IP6K3: variants seen among roughly 807,000 people sequenced by gnomAD.
The protein encoded by IP6K3 is ATP:1D-myo-inositol-hexakisphosphate phosphotransferase.
Under a neutral mutation model 28.8 loss-of-function variants are expected in IP6K3, and 20 were observed. The observed-to-expected ratio is 0.70, with a 90% CI of 0.49 to 1.01. The LOEUF is 1.01. Ranked by LOEUF, IP6K3 falls within the 50% of genes least tolerant of loss-of-function variation. IP6K3 has a pLI of 0.00. For synonymous variants in IP6K3, 213 were observed against 221.3 expected (o/e 0.96, Z 0.33); for missense variants, 480 against 537.1 (o/e 0.89, Z 1.05).
At chr6:33,740,408 C>T (rs985165410) in intron 1 of IP6K3, among the ~76,000 whole-genome samples, 7 of 152,186 alleles carry the variant, frequency 4.6e-5, no homozygotes, top group African/African-American at 1.7e-4. Flanking sequence ...GCTGATGGGG[C>T]GCAGACACCG....
the IP6K3 span, among the ~76,000 whole-genome samples, chr6:33,761,768 G>A: frequency 2.6e-5 from 4 of 152,074 alleles, no homozygotes; most frequent in African/African-American, 9.7e-5. Flanking sequence ...AGAAGCCTGG[G>A]TGTCTCTGTC....
chr6:33,745,291 G>A (rs1189768298), intron 1 of IP6K3, among the ~76,000 whole-genome samples: 1 of 152,334 alleles, frequency 6.6e-6, no homozygotes, highest in East Asian at 1.9e-4. Flanking sequence ...CGCTGGCCAG[G>A]GGGTGGGCTT....
chr6:33,725,658 C>G, intron 4 of IP6K3, 42 bp from the exon 5 acceptor site: 1 of 1,570,528 alleles, frequency 6.4e-7, no homozygotes, highest in East Asian at 2.3e-5. Flanking sequence ...GACTTCAGAA[C>G]TGCTGCTCCG....
intron 2 of IP6K3, among the ~76,000 whole-genome samples, chr6:33,734,972 G>A (rs1264291657): frequency 2.0e-5 from 3 of 152,202 alleles, no homozygotes; most frequent in Non-Finnish European, 4.4e-5. Flanking sequence ...CACCGGGAAG[G>A]CACAGACCAG....
intron 2 of IP6K3, among the ~76,000 whole-genome samples, chr6:33,730,189 A>C (rs1487666951): frequency 6.6e-6 from 1 of 152,172 alleles, no homozygotes; most frequent in Non-Finnish European, 1.5e-5. Flanking sequence ...CTGCTGAGCC[A>C]GCCGTGAAGG....
At chr6:33,725,146 A>G (rs982801095) in intron 5 of IP6K3, among the ~76,000 whole-genome samples, 9 of 151,014 alleles carry the variant, frequency 6.0e-5, no homozygotes, top group African/African-American at 1.7e-4. Context: ...GGAGAATGGC[A>G]TGAACCCGGG....
chr6:33,728,324 G>C, intron 2 of IP6K3, 24 bp from the exon 3 acceptor site: 1 of 1,610,462 alleles, frequency 6.2e-7, no homozygotes. Context: ...GGGAAGGGGA[G>C]GGGAGGAGCC....
chr6:33,738,046 T>C (rs570381821), intron 1 of IP6K3, among the ~76,000 whole-genome samples: 67 of 152,332 alleles, frequency 4.4e-4, no homozygotes, highest in African/African-American at 1.5e-3. Flanking sequence ...CAATCCTACT[T>C]GCAAATTTGG....
chr6:33,725,616 C>T lies in IP6K3; in HGVS notation c.590G>A (p.Arg197Gln), dbSNP rs756984291. The T allele has an allele frequency of 3.1e-6, 5 of 1,613,260 alleles. No individual in the cohort carries two copies. The highest frequency in any genetic ancestry group is 2.2e-5 in the East Asian group (1 of 44,872). The change falls in exon 5 of 6, where the codon CGG becomes CAG. Residue 197 changes from arginine (R) to glutamine (Q), a missense_variant and splice_region_variant. Arg to Gln is a conservative substitution (Grantham distance 43). Transcript: ENST00000293756. ...CACTACATTTTCCAGCAACAAGAAC[C>T]CTAGTCACACTAAGTTAAGGAAGGC... The part of the protein sequence containing the change: ...CSEYPENKRH[R>Q]FLLLENVVSQ...
chr6:33,727,486 G>C (rs1168699498), intron 3 of IP6K3, among the ~76,000 whole-genome samples: 2 of 152,208 alleles, frequency 1.3e-5, no homozygotes, highest in African/African-American at 4.8e-5. Flanking sequence ...CCTTGGGAAG[G>C]GAGATATTTT....
intron 1 of IP6K3, among the ~76,000 whole-genome samples, chr6:33,743,015 A>T (rs571911590): frequency 5.0e-4 from 76 of 151,956 alleles, no homozygotes; most frequent in African/African-American, 1.8e-3. Flanking sequence ...GAGGAGGAGG[A>T]TGCGGGAGTG....
At position 33,728,143 on chromosome 6, in the gene IP6K3, G is replaced by A. The variant is rs753519496; in HGVS notation, c.357C>T (p.Ser119=). Residue 119 remains serine, a synonymous_variant, in exon 3 of 6, where the codon AGC becomes AGT. Coordinates refer to ENST00000293756, the MANE Select transcript of IP6K3 (RefSeq NM_054111.5). ...GCGGCCACTGGGCAAGGGTGCAGTCGCTGCCATTGCTGCCGGTGGTCTGCT... is the reference window on the plus strand; with the variant it reads ...GCGGCCACTGGGCAAGGGTGCAGTCACTGCCATTGCTGCCGGTGGTCTGCT... ...TLQQTTGSNG[S]DCTLAQWPHA... 4.1e-5 allele frequency: 66 copies of A among 1,610,858 alleles called. No homozygotes were observed. The highest frequency in any genetic ancestry group is 4.7e-5 in the Non-Finnish European group (55 of 1,179,994).
At chr6:33,736,549 C>T (rs967044578) in intron 1 of IP6K3, among the ~76,000 whole-genome samples, 1 of 152,112 alleles carries the variant, frequency 6.6e-6, no homozygotes, top group Non-Finnish European at 1.5e-5. Flanking sequence ...GGATTACAGG[C>T]GCCTGCCACC....
intron 5 of IP6K3, among the ~76,000 whole-genome samples, chr6:33,724,528 A>C (rs1344286489): frequency 1.3e-5 from 2 of 152,204 alleles, no homozygotes; most frequent in Non-Finnish European, 2.9e-5. Flanking sequence ...TCAGAGCCCC[A>C]AAAAGGAGGC....
chr6:33,735,755 G>A, intron 1 of IP6K3, 100 bp from the exon 2 acceptor site: 1 of 547,660 alleles, frequency 1.8e-6, no homozygotes, highest in Non-Finnish European at 3.1e-6. Context: ...CCCAGAACAG[G>A]TTCCTCACTG....
intron 5 of IP6K3, among the ~76,000 whole-genome samples, chr6:33,724,584 C>T (rs1766026626): frequency 6.6e-6 from 1 of 152,160 alleles, no homozygotes; most frequent in Non-Finnish European, 1.5e-5. Flanking sequence ...GCAGGGTTAG[C>T]AGGTTATGAG....
chr6:33,755,642 T>G, the IP6K3 span, among the ~76,000 whole-genome samples: 1 of 152,250 alleles, frequency 6.6e-6, no homozygotes, highest in Non-Finnish European at 1.5e-5. Flanking sequence ...TTTCTTCACC[T>G]GCCAAGCCCG....
intron 4 of IP6K3, 82 bp downstream of exon 4, chr6:33,726,649 T>TG: frequency 7.2e-7 from 1 of 1,387,260 alleles, no homozygotes; most frequent in Non-Finnish European, 9.8e-7. Flanking sequence ...TTTGTGTGTG[T>TG]TTCCTCTACC....
rs917089746 is a variant in IP6K3 at position 33,742,661 on chromosome 6, A to C, written c.-180+4097T>G. On this transcript the variant is annotated intron_variant, in intron 1 of 5. Coordinates refer to ENST00000293756, the MANE Select transcript of IP6K3 (RefSeq NM_054111.5). This position sits in a 1 kb window ranked among gnomAD's most constrained non-coding sequence, Gnocchi z 4.5. ...ATGTAAATATGTTGGTAATTAACAA[A>C]ATACAAATTCATTTAAAGGCATTAT... Among the ~76,000 whole-genome samples the C allele has an allele frequency of 2.6e-5, 4 of 152,218 alleles. No individual in the cohort carries two copies. Among genetic ancestry groups the C allele is most frequent in the Admixed American group, 6.5e-5 (1 of 15,292 alleles).
Sources: allele counts gnomAD v4.1 joint callset (sites outside exome capture counted in the v4.1 genomes callset), GRCh38; gene constraint gnomAD v4.1.1; non-coding constraint Gnocchi (gnomAD v3.1); transcripts MANE v1.5; gene names NCBI Gene and HGNC (gene_info 2026-07-23, HGNC 2026-07-21).